The following PDZRN4 variants were observed in gnomAD, a reference collection of about 807,000 sequenced individuals.
PDZRN4 encodes PDZ domain-containing RING finger protein 4.
Under a neutral mutation model 99.0 loss-of-function variants are expected in PDZRN4, and 70 were observed. That is an observed-to-expected ratio of 0.71 (90% CI 0.58 to 0.86). The LOEUF (loss-of-function observed/expected upper bound fraction) is 0.86, where lower values mean the gene tolerates loss of function less well. PDZRN4 is among the 40% of genes least tolerant of loss of function. The pLI is 0.00. For missense variants in PDZRN4, 1,474 were observed against 1,331.2 expected (o/e 1.11, Z -1.67); for synonymous variants, 551 against 501.6 (o/e 1.10, Z -1.32).
chr12:41,378,665 G>A (rs1466889580), intron 3 of PDZRN4, among the ~76,000 whole-genome samples: 1 of 151,886 alleles, frequency 6.6e-6, no homozygotes, highest in Non-Finnish European at 1.5e-5. Flanking sequence ...TGGGATTACA[G>A]GTGCATGCCA....
At chr12:41,476,739 C>T (rs374658123) in intron 3 of PDZRN4, among the ~76,000 whole-genome samples, 22 of 152,342 alleles carry the variant, frequency 1.4e-4, no homozygotes, top group African/African-American at 3.8e-4. Context: ...GAGCACCTAA[C>T]GTCCTCAAAC....
Position 41,347,230 on chromosome 12 carries a change from G to A in PDZRN4, c.843+153042G>A, listed in dbSNP as rs187855938. Among the ~76,000 whole-genome samples, 12 of 152,166 alleles carry A rather than the reference G, an allele frequency of 7.9e-5. No individual in the cohort carries two copies. In the East Asian group the frequency reaches 1.5e-3, roughly 20 times the overall value. ...TAACCCTTTGAAAAACTGCCAAATT[G>A]CTTTTCACAGCTCCATCATTTTACA... On this transcript the variant is annotated intron_variant, in intron 3 of 9. Transcript: ENST00000402685.
At position 41,345,509 on chromosome 12, in the gene PDZRN4, T is replaced by C. The variant is rs538430307; in HGVS notation, c.843+151321T>C. 9.2e-5 allele frequency among the ~76,000 whole-genome samples: 14 copies of C among 152,286 alleles called. No homozygotes were observed. The East Asian group carries it at 2.7e-3, about 29-fold the overall frequency. ...TGCAGGCAAACAATATACAAAGGGTTCTAGTCATTTTCTGGGATTCCTCAG... is the reference window on the plus strand; with the variant it reads ...TGCAGGCAAACAATATACAAAGGGTCCTAGTCATTTTCTGGGATTCCTCAG... On this transcript the variant is annotated intron_variant, in intron 3 of 9. Coordinates refer to ENST00000402685, the MANE Select transcript of PDZRN4 (RefSeq NM_001164595.2).
chr12:41,517,887 A>G (rs1450290243), intron 5 of PDZRN4, among the ~76,000 whole-genome samples: 1 of 152,008 alleles, frequency 6.6e-6, no homozygotes, highest in Non-Finnish European at 1.5e-5. Context: ...CAAGTAGCAC[A>G]CCTCTCCGTA....
Position 41,191,501 on chromosome 12 carries a change from A to G in PDZRN4, c.692A>G (p.Asn231Ser). 1.3e-6 allele frequency: 2 copies of G among 1,579,900 alleles called. No homozygotes were observed. Among genetic ancestry groups the G allele is most frequent in the Non-Finnish European group, 1.7e-6 (2 of 1,162,552 alleles). The change falls in exon 2 of 10, where the codon AAT becomes AGT. Residue 231 changes from asparagine (N) to serine (S), a missense_variant. Coordinates refer to ENST00000402685, the MANE Select transcript of PDZRN4 (RefSeq NM_001164595.2). ...KPFTIVLERE[N>S]DTLGFNIIGG... ...TTCACTATTGTGTTAGAAAGAGAAAATGACACTTTGGGATTCAATATTATA... is the reference window on the plus strand; with the variant it reads ...TTCACTATTGTGTTAGAAAGAGAAAGTGACACTTTGGGATTCAATATTATA...
intron 3 of PDZRN4, among the ~76,000 whole-genome samples, chr12:41,302,935 T>TACACACAC (rs71846165): frequency 0.014 from 1,728 of 127,210 alleles, 36 homozygotes; most frequent in African/African-American, 0.041. Flanking sequence ...ATATATAAAA[T>TACACACAC]ACACACACAC....
chr12:41,208,387 C>A (rs1950864855), intron 3 of PDZRN4, among the ~76,000 whole-genome samples: 1 of 151,838 alleles, frequency 6.6e-6, no homozygotes, highest in Admixed American at 6.6e-5. Context: ...CTAAAGAAAT[C>A]TTCATCTTCA....
At position 41,280,064 on chromosome 12, in the gene PDZRN4, C is replaced by T. The variant is rs371618395; in HGVS notation, c.843+85876C>T. ...GACAGTGGGTGCAACCCATGGAGGG[C>T]GAGCAGAAGCAGGGTGGGGTGTCGC... On this transcript the variant is annotated intron_variant, in intron 3 of 9. Coordinates refer to ENST00000402685, the MANE Select transcript of PDZRN4 (RefSeq NM_001164595.2). Among the ~76,000 whole-genome samples, 20 of 152,170 alleles carry T rather than the reference C, an allele frequency of 1.3e-4. 1 individual carries two copies. Among genetic ancestry groups the T allele is most frequent in the African/African-American group, 4.8e-4 (20 of 41,518 alleles).
Position 41,573,283 on chromosome 12 carries a change from G to A in PDZRN4, c.2504G>A (p.Ser835Asn), listed in dbSNP as rs1565620037. 6.2e-7 allele frequency: 1 copy of A among 1,613,592 alleles called. No individual in the cohort carries two copies. The highest frequency in any genetic ancestry group is 8.5e-7 in the Non-Finnish European group (1 of 1,180,002). ...EHIPYLSPYHSSSYRYANIPA... is the reference protein window; with the variant it reads ...EHIPYLSPYHNSSYRYANIPA... ...ATCCCTTACCTCTCTCCTTACCACA[G>A]CTCCTCATATAGATATGCAAACATC... is the stretch of plus-strand genomic sequence containing the variant. The change falls in exon 10 of 10, where the codon AGC becomes AAC. Residue 835 changes from serine (S) to asparagine (N), a missense_variant. Transcript: ENST00000402685.
intron 1 of PDZRN4, among the ~76,000 whole-genome samples, chr12:41,189,771 T>C (rs1228158122): frequency 1.3e-5 from 2 of 152,136 alleles, no homozygotes; most frequent in African/African-American, 4.8e-5. Flanking sequence ...GATCTCATTA[T>C]TGGTGGAGAG....
rs1951298710 is a variant in PDZRN4 at position 41,269,287 on chromosome 12, G to C, written c.843+75099G>C. 2.0e-5 allele frequency among the ~76,000 whole-genome samples: 3 copies of C among 152,152 alleles called. No homozygotes were observed. In the South Asian group the frequency reaches 6.2e-4, roughly 32 times the overall value. ...TTCATTAATCATACTATAAGCATTT[G>C]ACAGCTGACTGACAATAACAAATTC... On this transcript the variant is annotated intron_variant, in intron 3 of 9. Transcript: ENST00000402685.
intron 7 of PDZRN4, among the ~76,000 whole-genome samples, chr12:41,563,206 TTA>T (rs1939303258): frequency 6.6e-6 from 1 of 152,130 alleles, no homozygotes; most frequent in South Asian, 2.1e-4. Context: ...CCCAGCACTA[TTA>T]TCTCAGAGTG....
chr12:41,463,115 A>T (rs1432718166), intron 3 of PDZRN4, among the ~76,000 whole-genome samples: 2 of 152,206 alleles, frequency 1.3e-5, no homozygotes, highest in African/African-American at 4.8e-5. Flanking sequence ...TCACCAAATC[A>T]GTTGTGATTA....
chr12:41,567,603 C>A, intron 8 of PDZRN4, among the ~76,000 whole-genome samples, 180 bp from the exon 9 acceptor site: 1 of 99,094 alleles, frequency 1.0e-5, no homozygotes, highest in Non-Finnish European at 2.0e-5. Context: ...GCATAAGAGT[C>A]CTTTTTTTTT....
intron 3 of PDZRN4, among the ~76,000 whole-genome samples, chr12:41,338,474 G>A (rs1951791200): frequency 6.6e-6 from 1 of 151,392 alleles, no homozygotes; most frequent in African/African-American, 2.4e-5. Flanking sequence ...TGAAACAAAT[G>A]AAAGAGAGAT....
At chr12:41,499,314 CAT>C (rs1370754219) in intron 3 of PDZRN4, among the ~76,000 whole-genome samples, 1 of 152,116 alleles carries the variant, frequency 6.6e-6, no homozygotes, top group African/African-American at 2.4e-5. Flanking sequence ...ACATCCAACT[CAT>C]GTGCCAAAAA....
At chr12:41,341,686 G>C (rs4768346) in intron 3 of PDZRN4, among the ~76,000 whole-genome samples, 1 of 151,468 alleles carries the variant, frequency 6.6e-6, no homozygotes, top group Non-Finnish European at 1.5e-5. Flanking sequence ...AACATTGATA[G>C]AAGAAATTGA....
chr12:41,513,898 C>T (rs1248893743), intron 5 of PDZRN4, among the ~76,000 whole-genome samples: 5 of 151,946 alleles, frequency 3.3e-5, no homozygotes, highest in East Asian at 3.9e-4. Flanking sequence ...AACCAATACA[C>T]GAAAAATTTA....
intron 3 of PDZRN4, among the ~76,000 whole-genome samples, chr12:41,204,540 A>G (rs1443666324): frequency 1.3e-5 from 2 of 152,008 alleles, no homozygotes; most frequent in Non-Finnish European, 2.9e-5. Flanking sequence ...GAAACTTACA[A>G]CAATGACCAA....
Sources: gnomAD v4.1 joint callset for allele counts (sites outside exome capture counted in the v4.1 genomes callset) on GRCh38, gnomAD v4.1.1 for gene constraint, MANE v1.5 for transcripts, NCBI Gene and HGNC (gene_info 2026-07-23, HGNC 2026-07-21) for gene names.